Variants in KLHL2 observed in about 807,000 individuals in gnomAD.
KLHL2 encodes the protein kelch like family member 2, also known as kelch-like protein 2.
In KLHL2, 15 loss-of-function variants were observed where a neutral mutation model predicts 75.8. That is an observed-to-expected ratio of 0.20 (90% CI 0.13 to 0.30). KLHL2 has a LOEUF of 0.30. KLHL2 is among the 10% of genes least tolerant of loss of function. The pLI, the probability that KLHL2 is intolerant of heterozygous loss-of-function variation, is 1.00. For synonymous variants in KLHL2, 214 were observed against 251.9 expected (o/e 0.85, Z 1.42); for missense variants, 381 against 741.0 (o/e 0.51, Z 5.64).
At chr4:165,300,712 A>G (rs1180472254) in intron 8 of KLHL2, among the ~76,000 whole-genome samples, 2 of 152,196 alleles carry the variant, frequency 1.3e-5, no homozygotes, top group African/African-American at 4.8e-5. Flanking sequence ...TCTAATCAGA[A>G]TGACTCATAA....
intron 4 of KLHL2, among the ~76,000 whole-genome samples, chr4:165,242,837 AGT>A (rs1018490978): frequency 1.3e-5 from 2 of 152,184 alleles, no homozygotes; most frequent in African/African-American, 4.8e-5. Flanking sequence ...TAAATATATA[AGT>A]GTGTGTGAGT....
At chr4:165,220,783 G>A (rs1436926243) in intron 2 of KLHL2, among the ~76,000 whole-genome samples, 1 of 152,158 alleles carries the variant, frequency 6.6e-6, no homozygotes, top group Non-Finnish European at 1.5e-5. Context: ...GTTTTGGGGG[G>A]CAGTGACCTG....
chr4:165,257,139 T>A (rs1741242225), intron 4 of KLHL2, among the ~76,000 whole-genome samples: 1 of 152,218 alleles, frequency 6.6e-6, no homozygotes, highest in Admixed American at 6.5e-5. Context: ...TTGTGTAATA[T>A]AACAGCTTGG....
At chr4:165,224,881 A>G (rs1263061021) in intron 2 of KLHL2, among the ~76,000 whole-genome samples, 1 of 152,236 alleles carries the variant, frequency 6.6e-6, no homozygotes, top group Non-Finnish European at 1.5e-5. Flanking sequence ...TTATTTTTAA[A>G]TGTATCATTA....
chr4:165,281,964 G>T (rs1190869953), intron 5 of KLHL2, among the ~76,000 whole-genome samples: 1 of 152,196 alleles, frequency 6.6e-6, no homozygotes, highest in Non-Finnish European at 1.5e-5. Context: ...GCTTTATTCA[G>T]TGGCCAGTGG....
At chr4:165,306,433 TA>T (rs1745733841) in intron 9 of KLHL2, among the ~76,000 whole-genome samples, 2 of 152,236 alleles carry the variant, frequency 1.3e-5, no homozygotes, top group South Asian at 4.1e-4. Flanking sequence ...ATCTTAATGT[TA>T]TAAACAATGC....
chr4:165,288,973 T>C (rs1230611949), intron 5 of KLHL2, among the ~76,000 whole-genome samples: 1 of 152,130 alleles, frequency 6.6e-6, no homozygotes, highest in East Asian at 1.9e-4. Context: ...GACAGACTAA[T>C]AGTGATTGGC....
chr4:165,283,677 G>A (rs1486089347), intron 5 of KLHL2, among the ~76,000 whole-genome samples: 1 of 152,112 alleles, frequency 6.6e-6, no homozygotes, highest in East Asian at 1.9e-4. Flanking sequence ...ACCATTCTGG[G>A]TTCTGGAGGA....
At chr4:165,284,833 G>C (rs1359916909) in intron 5 of KLHL2, among the ~76,000 whole-genome samples, 1 of 152,154 alleles carries the variant, frequency 6.6e-6, no homozygotes, top group Non-Finnish European at 1.5e-5. Context: ...ACATGGCTGG[G>C]GAGGCCTCAC....
intron 4 of KLHL2, among the ~76,000 whole-genome samples, chr4:165,246,329 T>G: frequency 6.6e-6 from 1 of 151,988 alleles, no homozygotes; most frequent in Non-Finnish European, 1.5e-5. Flanking sequence ...CAAAGTGGGT[T>G]TGTAGACTAT....
chr4:165,303,624 G>A (rs940481762), intron 8 of KLHL2, among the ~76,000 whole-genome samples: 5 of 152,012 alleles, frequency 3.3e-5, no homozygotes, highest in African/African-American at 9.7e-5. Flanking sequence ...GTGCATTAGT[G>A]CAGTCTCAGC....
intron 1 of KLHL2, among the ~76,000 whole-genome samples, chr4:165,212,665 C>T (rs1274254678): frequency 6.6e-6 from 1 of 152,124 alleles, no homozygotes; most frequent in East Asian, 1.9e-4. Flanking sequence ...TTGTCAACAA[C>T]CTTATAGTGG....
chr4:165,212,556 C>T (rs954241724), intron 1 of KLHL2, among the ~76,000 whole-genome samples: 1 of 152,148 alleles, frequency 6.6e-6, no homozygotes, highest in Non-Finnish European at 1.5e-5. Flanking sequence ...GAAAAACAAG[C>T]CCCTGCTTTT....
rs959050659 is a variant in KLHL2 at position 165,238,982 on chromosome 4, T to C, written c.381+83T>C. ...AAAAGCACACCCACACAGTATACAA[T>C]TTGCACCAAAATAATAGGATTCATT... On this transcript the variant is annotated intron_variant, in intron 4 of 14. Transcript: ENST00000226725. The C allele has an allele frequency of 4.7e-6, 7 of 1,502,532 alleles. No individual in the cohort carries two copies. In the African/African-American group the frequency reaches 9.9e-5, roughly 21 times the overall value. 93.1% of individuals were successfully genotyped at this position (1,502,532 alleles called of 1,614,324 possible).
chr4:165,267,741 G>A (rs935033521), intron 5 of KLHL2, among the ~76,000 whole-genome samples: 4 of 152,068 alleles, frequency 2.6e-5, no homozygotes, highest in Non-Finnish European at 4.4e-5. Flanking sequence ...TTTTTGCATC[G>A]ATGTTCATCA....
chr4:165,277,520 C>T lies in KLHL2; in HGVS notation c.544+14161C>T, dbSNP rs185323935. 8.9e-4 allele frequency among the ~76,000 whole-genome samples: 135 copies of T among 152,270 alleles called. 2 individuals are homozygous for T. In the East Asian group the frequency reaches 0.025, roughly 28 times the overall value. ...AGACTTTTGGGGTATCTGTTAAAAG[C>T]GAAGAGCTGCTCATTTTTAACAGGT... On this transcript the variant is annotated intron_variant, in intron 5 of 14. Transcript: ENST00000226725.
At chr4:165,307,155 A>G (rs1187270279) in intron 9 of KLHL2, among the ~76,000 whole-genome samples, 1 of 152,184 alleles carries the variant, frequency 6.6e-6, no homozygotes, top group East Asian at 1.9e-4. Context: ...TAAAAATACA[A>G]AAGATAGCTG....
intron 11 of KLHL2, among the ~76,000 whole-genome samples, chr4:165,311,809 C>CTGTGTGTGTG (rs60870309): frequency 0.092 from 13,278 of 144,640 alleles, 748 homozygotes; most frequent in Non-Finnish European, 0.14. Context: ...TCCTTTCTCT[C>CTGTGTGTGTG]TGTGTGTGTG....
Position 165,310,104 on chromosome 4 carries a change from A to G in KLHL2, c.1040-449A>G, listed in dbSNP as rs1002532273. On this transcript the variant is annotated intron_variant, in intron 9 of 14. Coordinates refer to ENST00000226725, the MANE Select transcript of KLHL2 (RefSeq NM_007246.4). ...TGTAATCCCAGCAGTTTGGGAGGCC[A>G]AGGCGGGCAGATCACGAGGTCAGGA... Among the ~76,000 whole-genome samples the G allele has an allele frequency of 1.3e-4, 20 of 152,270 alleles. No individual in the cohort carries two copies. The South Asian group carries it at 2.1e-3, about 16-fold the overall frequency.
Sources: gnomAD v4.1 joint callset for allele counts (sites outside exome capture counted in the v4.1 genomes callset) on GRCh38, gnomAD v4.1.1 for gene constraint, MANE v1.5 for transcripts, NCBI Gene and HGNC (gene_info 2026-07-23, HGNC 2026-07-21) for gene names.